The following FARS2 variants were observed in gnomAD, a reference collection of about 807,000 sequenced individuals.
The protein encoded by FARS2 is phenylalanyl-tRNA synthetase 2, mitochondrial, also known as phenylalanine--tRNA ligase, mitochondrial.
Under a neutral mutation model 46.4 loss-of-function variants are expected in FARS2, and 40 were observed. That is an observed-to-expected ratio of 0.86 (90% CI 0.67 to 1.12). The LOEUF is 1.12. Among genes scored for constraint, FARS2 ranks in the 50% most tolerant of loss-of-function variants. The pLI is 0.00. For missense variants in FARS2, 513 were observed against 567.9 expected (o/e 0.90, Z 0.98); for synonymous variants, 234 against 214.9 (o/e 1.09, Z -0.78).
intron 6 of FARS2, among the ~76,000 whole-genome samples, chr6:5,676,263 T>C (rs1314728212): frequency 6.6e-6 from 1 of 152,218 alleles, no homozygotes; most frequent in Non-Finnish European, 1.5e-5. Flanking sequence ...CTCTTGTCTT[T>C]TATAGATGAT....
intron 5 of FARS2, among the ~76,000 whole-genome samples, chr6:5,545,857 G>A (rs1379630885): frequency 1.3e-5 from 2 of 152,178 alleles, no homozygotes; most frequent in African/African-American, 2.4e-5. Context: ...GCCAGGCATG[G>A]TGGCTCATGC....
At chr6:5,412,996 G>A (rs1029576380) in intron 3 of FARS2, among the ~76,000 whole-genome samples, 1 of 152,116 alleles carries the variant, frequency 6.6e-6, no homozygotes, top group Admixed American at 6.5e-5. Context: ...GAAGTGCCTC[G>A]CTTTAAGCCA....
At chr6:5,621,587 T>C (rs1182097545) in intron 6 of FARS2, among the ~76,000 whole-genome samples, 2 of 152,206 alleles carry the variant, frequency 1.3e-5, no homozygotes, top group East Asian at 3.9e-4. Flanking sequence ...GAAAGAGGCC[T>C]TCAGTCTGGG....
At chr6:5,755,156 C>T (rs1046401109) in intron 6 of FARS2, among the ~76,000 whole-genome samples, 2 of 152,104 alleles carry the variant, frequency 1.3e-5, no homozygotes, top group Non-Finnish European at 2.9e-5. Context: ...TTTAACTCTG[C>T]GACTCATTTT....
At chr6:5,262,056 TC>T (rs747427518) in intron 1 of FARS2, among the ~76,000 whole-genome samples, 17 of 152,224 alleles carry the variant, frequency 1.1e-4, no homozygotes, top group Non-Finnish European at 2.2e-4. Flanking sequence ...GTTTTTGGAA[TC>T]TTGCTTTATG....
intron 5 of FARS2, among the ~76,000 whole-genome samples, chr6:5,557,678 TA>T (rs994541736): frequency 2.2e-4 from 33 of 152,246 alleles, no homozygotes; most frequent in Admixed American, 5.9e-4. Flanking sequence ...AAATGGATGA[TA>T]GGGGGTACTG....
At chr6:5,756,747 A>G (rs985510038) in intron 6 of FARS2, among the ~76,000 whole-genome samples, 5 of 152,206 alleles carry the variant, frequency 3.3e-5, no homozygotes, top group African/African-American at 9.6e-5. Context: ...TCTTTAGTTT[A>G]TCTTATTCTG....
intron 5 of FARS2, among the ~76,000 whole-genome samples, chr6:5,546,245 C>CAATTTTG (rs1770978451): frequency 1.4e-5 from 2 of 143,664 alleles, no homozygotes; most frequent in South Asian, 4.4e-4. Flanking sequence ...AGCAGAGAAC[C>CAATTTTG]AATTTTGTAC....
intron 4 of FARS2, among the ~76,000 whole-genome samples, chr6:5,524,783 G>T (rs1486330634): frequency 6.6e-6 from 1 of 152,192 alleles, no homozygotes; most frequent in Non-Finnish European, 1.5e-5. Context: ...GATTAGTCTG[G>T]CTGCAGGGTC....
At chr6:5,746,046 T>A (rs1261531746) in intron 6 of FARS2, among the ~76,000 whole-genome samples, 1 of 152,224 alleles carries the variant, frequency 6.6e-6, no homozygotes, top group Non-Finnish European at 1.5e-5. Context: ...ATTTTAGCCC[T>A]TCTTTAGAGT....
chr6:5,450,569 T>C (rs982801636), intron 4 of FARS2, among the ~76,000 whole-genome samples: 1 of 152,130 alleles, frequency 6.6e-6, no homozygotes, highest in African/African-American at 2.4e-5. Flanking sequence ...CTGATTTCCA[T>C]GCATCATGAA....
chr6:5,253,927 A>G, the FARS2 span, among the ~76,000 whole-genome samples: 2 of 152,172 alleles, frequency 1.3e-5, no homozygotes, highest in Non-Finnish European at 2.9e-5. Flanking sequence ...TGTGTGATGA[A>G]AAGTGGATTT....
intron 4 of FARS2, among the ~76,000 whole-genome samples, chr6:5,483,714 G>A (rs560599898): frequency 6.6e-6 from 1 of 152,096 alleles, no homozygotes; most frequent in Admixed American, 6.5e-5. Context: ...AATAAAGCTT[G>A]TGTTAAGGAG....
chr6:5,461,428 T>C (rs1410286856), intron 4 of FARS2, among the ~76,000 whole-genome samples: 1 of 152,190 alleles, frequency 6.6e-6, no homozygotes, highest in African/African-American at 2.4e-5. Flanking sequence ...AGGAAAACTT[T>C]AGGTAATTAT....
intron 4 of FARS2, among the ~76,000 whole-genome samples, chr6:5,459,644 T>TGCTTTACTCTTTTTAAAAAAAGACTTCTA (rs1765122147): frequency 6.6e-6 from 1 of 152,154 alleles, no homozygotes; most frequent in African/African-American, 2.4e-5. Flanking sequence ...CTGTTCCTCT[T>TGCTTTACTCTTTTTAAAAAAAGACTTCTA]GCTTTACTCT....
rs372077916 is a variant in FARS2 at position 5,680,227 on chromosome 6, T to C, written c.1217+66907T>C. On this transcript the variant is annotated intron_variant, in intron 6 of 6. Transcript: ENST00000274680. ...GGACGTTGTGTGAATGTGAGCAAAG[T>C]TGTACTTCAGTGAAGGTGCCCAACC... is the stretch of plus-strand genomic sequence containing the variant. 1.3e-3 allele frequency among the ~76,000 whole-genome samples: 196 copies of C among 152,330 alleles called. 2 individuals carry two copies. The highest frequency in any genetic ancestry group is 4.5e-3 in the African/African-American group (186 of 41,586).
At chr6:5,287,519 A>G (rs1416333636) in intron 1 of FARS2, among the ~76,000 whole-genome samples, 1 of 152,010 alleles carries the variant, frequency 6.6e-6, no homozygotes, top group African/African-American at 2.4e-5. Flanking sequence ...GTGTCCCTGA[A>G]ATTAGCCTGC....
chr6:5,557,604 T>C (rs1222604715), intron 5 of FARS2, among the ~76,000 whole-genome samples: 1 of 152,166 alleles, frequency 6.6e-6, no homozygotes, highest in Non-Finnish European at 1.5e-5. Flanking sequence ...TGTACAATCA[T>C]GGCCTATCGA....
chr6:5,385,250 T>C (rs1760040491), intron 2 of FARS2, among the ~76,000 whole-genome samples: 1 of 152,196 alleles, frequency 6.6e-6, no homozygotes, highest in South Asian at 2.1e-4. Flanking sequence ...GAGTTTGCTA[T>C]CCCTTTAATA....
Sources: allele counts gnomAD v4.1 joint callset (sites outside exome capture counted in the v4.1 genomes callset), GRCh38; gene constraint gnomAD v4.1.1; transcripts MANE v1.5; gene names NCBI Gene and HGNC (gene_info 2026-07-23, HGNC 2026-07-21).